Variants in CACNA1E observed in about 807,000 individuals in gnomAD.
The protein encoded by CACNA1E is calcium voltage-gated channel subunit alpha1 E.
Under a neutral mutation model 259.2 loss-of-function variants are expected in CACNA1E, and 40 were observed. The ratio of observed to expected loss-of-function variants is 0.15; its 90% CI spans 0.12 to 0.20. CACNA1E has a LOEUF of 0.20. Ranked by LOEUF, CACNA1E falls within the 10% of genes least tolerant of loss-of-function variation. CACNA1E has a pLI of 1.00. For missense variants in CACNA1E, 1,874 were observed against 3,040.1 expected (o/e 0.62, Z 9.02); for synonymous variants, 1,104 against 1,138.5 (o/e 0.97, Z 0.61).
intron 1 of CACNA1E, among the ~76,000 whole-genome samples, chr1:181,499,207 T>C (rs963415747): frequency 5.9e-5 from 9 of 152,160 alleles, no homozygotes; most frequent in Non-Finnish European, 1.3e-4. Flanking sequence ...CTCAGAATGG[T>C]TGCTGGGCTC....
At chr1:181,336,546 A>G (rs145748844) in intron 1 of CACNA1E, among the ~76,000 whole-genome samples, 32 of 152,294 alleles carry the variant, frequency 2.1e-4, no homozygotes, top group Middle Eastern at 3.4e-3. Context: ...TTTTCTCTGT[A>G]TTTATTTTAT....
chr1:181,762,307 T>C (rs1187674995), intron 32 of CACNA1E, among the ~76,000 whole-genome samples: 1 of 152,226 alleles, frequency 6.6e-6, no homozygotes, highest in Non-Finnish European at 1.5e-5. Context: ...TTTTTTTACA[T>C]ATGAGCTTTT....
chr1:181,476,513 G>A (rs959777440), intron 2 of CACNA1E, among the ~76,000 whole-genome samples: 3 of 152,156 alleles, frequency 2.0e-5, no homozygotes, highest in Non-Finnish European at 2.9e-5. Flanking sequence ...CTGTTACTGC[G>A]GCATTATCTT....
chr1:181,776,348 C>A lies in CACNA1E; in HGVS notation c.5267+120C>A. On this transcript the variant is annotated intron_variant, in intron 38 of 47. Coordinates refer to ENST00000367573, the MANE Select transcript of CACNA1E (RefSeq NM_001205293.3). The surrounding 1 kb of genome is among the most constrained non-coding windows in gnomAD (Gnocchi z 4.4). ...GCCTGTTACAGAAGGAAAGGAGATT[C>A]CTCTTGATTGTGGCCCATAGAAGAG... 9.6e-7 allele frequency: 1 copy of A among 1,039,462 alleles called. No individual in the cohort carries two copies. 64.4% of individuals were successfully genotyped at this position (1,039,462 alleles called of 1,614,324 possible).
chr1:181,345,660 C>T (rs938547819), intron 1 of CACNA1E, among the ~76,000 whole-genome samples: 7 of 152,170 alleles, frequency 4.6e-5, no homozygotes, highest in African/African-American at 9.7e-5. Context: ...CGGGGCTCAT[C>T]GAGGACTGGA....
chr1:181,552,622 C>T (rs911939827), intron 3 of CACNA1E, among the ~76,000 whole-genome samples: 7 of 151,816 alleles, frequency 4.6e-5, no homozygotes, highest in African/African-American at 1.7e-4. Context: ...TAAAGCTGCT[C>T]TAAACATTTT....
chr1:181,589,091 T>C (rs1043952958), intron 6 of CACNA1E, among the ~76,000 whole-genome samples: 1 of 152,224 alleles, frequency 6.6e-6, no homozygotes, highest in African/African-American at 2.4e-5. Context: ...ATTATTGTAA[T>C]TGCAGATTCC....
At chr1:181,360,089 C>T (rs925636272) in intron 1 of CACNA1E, among the ~76,000 whole-genome samples, 3 of 152,156 alleles carry the variant, frequency 2.0e-5, no homozygotes, top group Admixed American at 6.5e-5. Context: ...CATGACACCT[C>T]GGGCCATAGG....
At chr1:181,436,220 G>C (rs1660077244) in intron 2 of CACNA1E, among the ~76,000 whole-genome samples, 1 of 152,224 alleles carries the variant, frequency 6.6e-6, no homozygotes, top group Admixed American at 6.5e-5. Flanking sequence ...AACAATGAAT[G>C]TTGGTGAAAA....
intron 2 of CACNA1E, among the ~76,000 whole-genome samples, chr1:181,454,402 A>C (rs1453369548): frequency 6.6e-6 from 1 of 152,260 alleles, no homozygotes; most frequent in Non-Finnish European, 1.5e-5. Context: ...GGGACCTTTC[A>C]ATATAATCTA....
rs1044289334 is a variant in CACNA1E, at chr1:181,335,179, A to C, written c.-15+17056A>C. Among the ~76,000 whole-genome samples the C allele has an allele frequency of 2.2e-4, 33 of 151,930 alleles. 1 individual carries two copies. Among genetic ancestry groups the C allele is most frequent in the Non-Finnish European group, 7.4e-5 (5 of 67,982 alleles). ...TTCCTACCAACCCTGCCCTCCAGAA[A>C]GGAAGTCAGGATCTCTAGCAAACAG... On this transcript the variant is annotated intron_variant, in intron 1 of 11. Coordinates refer to the CACNA1E transcript ENST00000524607.
chr1:181,417,387 T>C (rs145995089), intron 2 of CACNA1E, among the ~76,000 whole-genome samples: 112 of 152,328 alleles, frequency 7.4e-4, no homozygotes, highest in Non-Finnish European at 1.2e-3. Context: ...GGAGCTCAAG[T>C]TGGTTTCTAG....
At chr1:181,396,300 C>G (rs1656678139) in intron 1 of CACNA1E, among the ~76,000 whole-genome samples, 1 of 152,214 alleles carries the variant, frequency 6.6e-6, no homozygotes. Flanking sequence ...CAGACCAACC[C>G]TGGTACAGTG....
chr1:181,332,936 G>A (rs2102603338), intron 1 of CACNA1E, among the ~76,000 whole-genome samples: 1 of 152,250 alleles, frequency 6.6e-6, no homozygotes, highest in South Asian at 2.1e-4. Context: ...AACCAGAAGA[G>A]GTCCATGCAG....
chr1:181,514,497 GC>G (rs1220352115), intron 3 of CACNA1E, among the ~76,000 whole-genome samples: 4 of 152,150 alleles, frequency 2.6e-5, no homozygotes, highest in Non-Finnish European at 5.9e-5. Context: ...TTTGACCCCT[GC>G]CCTGTGCAGC....
At chr1:181,415,136 T>C (rs1429291234) in intron 2 of CACNA1E, among the ~76,000 whole-genome samples, 1 of 152,214 alleles carries the variant, frequency 6.6e-6, no homozygotes, top group Non-Finnish European at 1.5e-5. Context: ...CTTATCTTTC[T>C]AAGAGGACCC....
chr1:181,556,325 C>A (rs1405232494), intron 3 of CACNA1E, among the ~76,000 whole-genome samples: 1 of 152,214 alleles, frequency 6.6e-6, no homozygotes, highest in African/African-American at 2.4e-5. Flanking sequence ...ATTTCTCATA[C>A]ATTTTTATTC....
At chr1:181,443,409 T>C (rs1465654899) in intron 2 of CACNA1E, among the ~76,000 whole-genome samples, 1 of 152,234 alleles carries the variant, frequency 6.6e-6, no homozygotes. Context: ...GTTTTCCCCA[T>C]GGCGATAAGA....
chr1:181,529,900 G>T (rs1184523169), intron 3 of CACNA1E, among the ~76,000 whole-genome samples: 2 of 152,194 alleles, frequency 1.3e-5, no homozygotes, highest in Non-Finnish European at 2.9e-5. Flanking sequence ...GGACTTTTGG[G>T]TTAATGCTGA....
Sources: gnomAD v4.1 joint callset for allele counts (sites outside exome capture counted in the v4.1 genomes callset) on GRCh38, gnomAD v4.1.1 for gene constraint, Gnocchi (gnomAD v3.1) non-coding constraint, MANE v1.5 for transcripts, NCBI Gene and HGNC (gene_info 2026-07-23, HGNC 2026-07-21) for gene names.